Variants in ARMH3 observed in about 807,000 individuals in gnomAD.
ARMH3 encodes the protein armadillo-like helical domain-containing protein 3.
In ARMH3, 60 loss-of-function variants were observed where a neutral mutation model predicts 99.1. The ratio of observed to expected loss-of-function variants is 0.61; its 90% CI spans 0.49 to 0.75. The LOEUF (loss-of-function observed/expected upper bound fraction) is 0.75, where lower values mean the gene tolerates loss of function less well. Ranked by LOEUF, ARMH3 falls within the 30% of genes least tolerant of loss-of-function variation. The pLI is 0.00. For missense variants in ARMH3, 679 were observed against 843.1 expected, an observed-to-expected ratio of 0.81 and a Z score of 2.41; for synonymous variants, 285 against 292.8, an observed-to-expected ratio of 0.97 and a Z score of 0.27.
At chr10:101,850,972 C>T (rs998368951) in intron 24 of ARMH3, among the ~76,000 whole-genome samples, 1 of 152,182 alleles carries the variant, frequency 6.6e-6, no homozygotes, top group Admixed American at 6.5e-5. Flanking sequence ...TTCTGGGAAC[C>T]ACATTTCTTC....
intron 1 of ARMH3, among the ~76,000 whole-genome samples, chr10:102,055,084 G>A (rs1382931585): frequency 6.6e-6 from 1 of 151,254 alleles, no homozygotes; most frequent in Non-Finnish European, 1.5e-5. Context: ...CACTTTGGGA[G>A]GCCGAGGCGG....
chr10:101,864,206 A>C (rs572250151), intron 24 of ARMH3, among the ~76,000 whole-genome samples: 1 of 152,328 alleles, frequency 6.6e-6, no homozygotes, highest in East Asian at 1.9e-4. Flanking sequence ...ATACCATCTC[A>C]TACCAGTTAG....
rs540081693 is a variant in ARMH3 at position 101,936,558 on chromosome 10, A to C, written c.1781+3305T>G. Among the ~76,000 whole-genome samples, 12 of 151,824 alleles carry C rather than the reference A, an allele frequency of 7.9e-5. No homozygotes were observed. In the South Asian group the frequency reaches 2.5e-3, roughly 32 times the overall value. On this transcript the variant is annotated intron_variant, in intron 23 of 25. Coordinates refer to ENST00000370033, the MANE Select transcript of ARMH3 (RefSeq NM_024541.3). ...ATGTACTTAGGAAACACTCTGAGGA[A>C]GGGTCAAAATGCTAAACCTAAAAAA...
intron 4 of ARMH3, among the ~76,000 whole-genome samples, chr10:102,030,226 TGA>T (rs2067096212): frequency 6.6e-6 from 1 of 152,164 alleles, no homozygotes; most frequent in Admixed American, 6.6e-5. Flanking sequence ...CAGCCCAGTC[TGA>T]GTCTCAGTAT....
chr10:102,008,636 T>C lies in ARMH3; in HGVS notation c.954+738A>G, dbSNP rs540521776. ...GGCGCGACTTCGGCTCACTGCAAGC[T>C]CTGCCTCCTGGGTTCACGTCATTCT... On this transcript the variant is annotated intron_variant, in intron 13 of 25. Transcript: ENST00000370033. Among the ~76,000 whole-genome samples the C allele has an allele frequency of 2.0e-5, 3 of 152,286 alleles. No individual in the cohort carries two copies. The South Asian group carries it at 6.2e-4, about 32-fold the overall frequency.
At chr10:101,856,244 T>A (rs967166988) in intron 24 of ARMH3, among the ~76,000 whole-genome samples, 4 of 152,238 alleles carry the variant, frequency 2.6e-5, no homozygotes, top group African/African-American at 7.2e-5. Flanking sequence ...TGTTGATAGT[T>A]GGTGTAAACC....
Position 101,990,531 on chromosome 10 carries a change from G to C in ARMH3, c.1406+20C>G. 6.6e-7 allele frequency: 1 copy of C among 1,504,488 alleles called. No individual in the cohort carries two copies. The highest frequency in any genetic ancestry group is 9.2e-7 in the Non-Finnish European group (1 of 1,083,274). The allele number at this position is 1,504,488 out of a possible 1,614,324, so 93.2% of individuals were successfully genotyped here. On this transcript the variant is annotated intron_variant, in intron 19 of 25. Coordinates refer to ENST00000370033, the MANE Select transcript of ARMH3 (RefSeq NM_024541.3). Reference sequence around the variant, plus strand: ...TAAAATAGATTTGTACACATTAAATGTGTACATATTTGTACTTACATATAG... The same window carrying C: ...TAAAATAGATTTGTACACATTAAATCTGTACATATTTGTACTTACATATAG...
Position 101,876,509 on chromosome 10 carries a change from T to C in ARMH3, c.1860+12903A>G, listed in dbSNP as rs192696099. 3.0e-3 allele frequency among the ~76,000 whole-genome samples: 455 copies of C among 152,322 alleles called. 7 individuals are homozygous for C. The highest frequency in any genetic ancestry group is 2.7e-3 in the Non-Finnish European group (184 of 68,022). On this transcript the variant is annotated intron_variant, in intron 24 of 25. Transcript: ENST00000370033. ...ACAGAATCTTTTAACAGAAATCCCA[T>C]CTGTGGGCTCTAACTAGGTGGGTCA...
At chr10:101,938,017 C>G (rs1029510784) in intron 23 of ARMH3, among the ~76,000 whole-genome samples, 1 of 152,114 alleles carries the variant, frequency 6.6e-6, no homozygotes, top group Non-Finnish European at 1.5e-5. Context: ...GCATGTGCCA[C>G]CATGCCCAGC....
intron 11 of ARMH3, among the ~76,000 whole-genome samples, chr10:102,010,550 T>G (rs893402268): frequency 2.6e-4 from 39 of 152,338 alleles, no homozygotes; most frequent in African/African-American, 9.1e-4. Flanking sequence ...AAATCTTTAG[T>G]TTGTGTCCTA....
chr10:102,018,184 G>A (rs747018597), intron 8 of ARMH3, among the ~76,000 whole-genome samples: 2 of 152,088 alleles, frequency 1.3e-5, no homozygotes, highest in Non-Finnish European at 2.9e-5. Flanking sequence ...TGAAGCCCCC[G>A]GTCTTCCTTG....
At chr10:101,908,662 T>A (rs926350557) in intron 23 of ARMH3, among the ~76,000 whole-genome samples, 10 of 151,228 alleles carry the variant, frequency 6.6e-5, no homozygotes, top group African/African-American at 1.9e-4. Flanking sequence ...TTTTTTCTTT[T>A]TCTTTTTTTT....
chr10:101,904,895 T>G (rs2068065568), intron 23 of ARMH3, among the ~76,000 whole-genome samples: 1 of 144,852 alleles, frequency 6.9e-6, no homozygotes, highest in African/African-American at 2.6e-5. Context: ...GAGGTTGCAG[T>G]GAGCCAAGAT....
chr10:101,988,196 T>C (rs1333205287), intron 19 of ARMH3, among the ~76,000 whole-genome samples: 2 of 152,186 alleles, frequency 1.3e-5, no homozygotes, highest in Admixed American at 1.3e-4. Flanking sequence ...GTAAGAAAAT[T>C]TGGGTTCAAA....
intron 19 of ARMH3, among the ~76,000 whole-genome samples, 153 bp from the exon 20 acceptor site, chr10:101,975,453 G>A (rs1845953948): frequency 6.6e-6 from 1 of 152,162 alleles, no homozygotes; most frequent in African/African-American, 2.4e-5. Flanking sequence ...ACTTCTGGCC[G>A]GGCATGGTGG....
chr10:102,037,940 A>G (rs1208405130), intron 2 of ARMH3, among the ~76,000 whole-genome samples: 3 of 152,114 alleles, frequency 2.0e-5, no homozygotes, highest in African/African-American at 7.2e-5. Context: ...TCCCAAGCAG[A>G]GGTCACAGTT....
chr10:101,864,963 T>C (rs938898580), intron 24 of ARMH3, among the ~76,000 whole-genome samples: 1 of 151,864 alleles, frequency 6.6e-6, no homozygotes, highest in Admixed American at 6.6e-5. Flanking sequence ...TTTTTAATTA[T>C]ATTAAAGCTT....
At chr10:102,015,078 T>G (rs1239497619) in intron 8 of ARMH3, among the ~76,000 whole-genome samples, 2 of 152,166 alleles carry the variant, frequency 1.3e-5, no homozygotes, top group Non-Finnish European at 2.9e-5. Context: ...TTTGCTTTCT[T>G]AACAGCCCAA....
At chr10:101,899,880 T>C (rs146348462) in intron 23 of ARMH3, among the ~76,000 whole-genome samples, 2 of 152,098 alleles carry the variant, frequency 1.3e-5, no homozygotes, top group Non-Finnish European at 2.9e-5. Context: ...AAAAGGCATT[T>C]TGACAACCAG....
Sources: gnomAD v4.1 joint callset for allele counts (sites outside exome capture counted in the v4.1 genomes callset) on GRCh38, gnomAD v4.1.1 for gene constraint, MANE v1.5 for transcripts, NCBI Gene and HGNC (gene_info 2026-07-23, HGNC 2026-07-21) for gene names.